SEPTIN10: variants seen among roughly 807,000 people sequenced by gnomAD.
SEPTIN10 encodes the protein septin 10, also known as septin-10.
In SEPTIN10, 66 loss-of-function variants were observed where a neutral mutation model predicts 54.8. That is an observed-to-expected ratio of 1.21 (90% CI 0.99 to 1.48). The LOEUF (loss-of-function observed/expected upper bound fraction) is 1.48, where lower values mean the gene tolerates loss of function less well. Ranked by LOEUF, SEPTIN10 falls within the 40% of genes most tolerant of loss-of-function variation. The pLI, the probability that SEPTIN10 is intolerant of heterozygous loss-of-function variation, is 0.00. For synonymous variants in SEPTIN10, 161 were observed against 181.0 expected (o/e 0.89, Z 0.89); for missense variants, 620 against 545.6 (o/e 1.14, Z -1.36).
chr2:109,552,899 G>A (rs1573410894), intron 9 of SEPTIN10, 188 bp downstream of exon 9: 2 of 632,854 alleles, frequency 3.2e-6, no homozygotes, highest in Non-Finnish European at 5.1e-6. Flanking sequence ...AAAAAAGAAG[G>A]CCAAAGTTTT....
intron 4 of SEPTIN10, among the ~76,000 whole-genome samples, chr2:109,580,502 T>C (rs1341924511): frequency 6.6e-6 from 1 of 151,912 alleles, no homozygotes; most frequent in Non-Finnish European, 1.5e-5. Context: ...GCAAGCATGG[T>C]ACATGGTAAA....
At chr2:109,559,268 A>G (rs543978000) in intron 8 of SEPTIN10, among the ~76,000 whole-genome samples, 4 of 152,350 alleles carry the variant, frequency 2.6e-5, no homozygotes, top group Admixed American at 6.5e-5. Context: ...TTATCAAATC[A>G]TTTAATCACA....
chr2:109,565,827 C>CAT lies in SEPTIN10; in HGVS notation c.793_794dup (p.Met265IlefsTer5). 6.2e-7 allele frequency: 1 copy of CAT among 1,614,116 alleles called. No individual in the cohort carries two copies. The highest frequency in any genetic ancestry group is 1.3e-5 in the African/African-American group (1 of 75,044). ...TCTTGTTTCCGACTTTTACCTCATC[C>CAT]ATACTTCCCACAACAGCAAACGGCA... On this transcript the variant is annotated frameshift_variant, in exon 7 of 11. Coordinates refer to ENST00000397712, the MANE Select transcript of SEPTIN10 (RefSeq NM_144710.5). LOFTEE classifies it high-confidence loss of function.
At chr2:109,607,452 T>G (rs1262270415) in intron 1 of SEPTIN10, among the ~76,000 whole-genome samples, 1 of 152,074 alleles carries the variant, frequency 6.6e-6, no homozygotes, top group Non-Finnish European at 1.5e-5. Flanking sequence ...TCTCTCCCCC[T>G]AAAGAGAGCA....
At chr2:109,589,045 C>T (rs1164715850) in intron 2 of SEPTIN10, among the ~76,000 whole-genome samples, 3 of 151,828 alleles carry the variant, frequency 2.0e-5, no homozygotes, top group Non-Finnish European at 2.9e-5. Context: ...ATTCTTCCAC[C>T]TCAGCCTCTG....
At chr2:109,556,879 A>T (rs1231936516) in intron 8 of SEPTIN10, among the ~76,000 whole-genome samples, 1 of 152,192 alleles carries the variant, frequency 6.6e-6, no homozygotes, top group African/African-American at 2.4e-5. Flanking sequence ...AGGGACATGG[A>T]TGAAGCTGGA....
chr2:109,550,606 G>A (rs1014071736), intron 9 of SEPTIN10, among the ~76,000 whole-genome samples: 1 of 152,056 alleles, frequency 6.6e-6, no homozygotes, highest in African/African-American at 2.4e-5. Flanking sequence ...GAGCCACCAC[G>A]CCCGGCCCCA....
intron 1 of SEPTIN10, among the ~76,000 whole-genome samples, chr2:109,608,385 T>C (rs992943062): frequency 4.6e-5 from 7 of 152,218 alleles, no homozygotes; most frequent in Non-Finnish European, 1.0e-4. Flanking sequence ...AATAGGACTT[T>C]CTTGCTATCC....
intron 1 of SEPTIN10, among the ~76,000 whole-genome samples, chr2:109,608,704 G>A (rs1282965167): frequency 2.6e-5 from 4 of 151,822 alleles, no homozygotes; most frequent in South Asian, 2.1e-4. Context: ...TTTTACTTTC[G>A]TCATTATGAC....
At chr2:109,553,280 C>G in intron 8 of SEPTIN10, 61 bp from the exon 9 acceptor site, 1 of 1,575,222 alleles carries the variant, frequency 6.3e-7, no homozygotes, top group South Asian at 1.1e-5. Flanking sequence ...TATGGCGGCT[C>G]ACGCCTGTAA....
At chr2:109,600,295 T>G (rs1696330887) in intron 1 of SEPTIN10, among the ~76,000 whole-genome samples, 1 of 152,054 alleles carries the variant, frequency 6.6e-6, no homozygotes, top group Non-Finnish European at 1.5e-5. Flanking sequence ...CTCTTCAACT[T>G]TCACAGGCAA....
Position 109,565,818 on chromosome 2 carries a change from T to C in SEPTIN10, c.804A>G (p.Val268=). Reference sequence around the variant, plus strand: ...CTTTGACCATCTTGTTTCCGACTTTTACCTCATCCATACTTCCCACAACAG... The same window carrying C: ...CTTTGACCATCTTGTTTCCGACTTTCACCTCATCCATACTTCCCACAACAG... ...PFAVVGSMDE[V]KVGNKMVKAR... The change falls in exon 7 of 11, where the codon GTA becomes GTG. Residue 268 remains valine (V), a synonymous_variant. Transcript: ENST00000397712. 6.2e-7 allele frequency: 1 copy of C among 1,614,158 alleles called. No homozygotes were observed. The highest frequency in any genetic ancestry group is 8.5e-7 in the Non-Finnish European group (1 of 1,180,020).
Position 109,571,462 on chromosome 2 carries a change from C to G in SEPTIN10, c.600+3119G>C, listed in dbSNP as rs796085913. ...TAAGCCTGTACAGCATGTAACTATA[C>G]TGGATACTGTAGACAACCATAATAC... On this transcript the variant is annotated intron_variant, in intron 5 of 10. Coordinates refer to ENST00000397712, the MANE Select transcript of SEPTIN10 (RefSeq NM_144710.5). 3.9e-5 allele frequency among the ~76,000 whole-genome samples: 6 copies of G among 152,256 alleles called. 1 individual carries two copies. The highest frequency in any genetic ancestry group is 1.4e-4 in the African/African-American group (6 of 41,546).
At chr2:109,584,474 CAAAAAAAAAAAAA>C (rs71958517) in intron 4 of SEPTIN10, among the ~76,000 whole-genome samples, 1 of 72,044 alleles carries the variant, frequency 1.4e-5, no homozygotes, top group African/African-American at 5.6e-5. Context: ...GACTCTGTCT[CAAAAAAAAAAAAA>C]AAAAAAAAAA....
At chr2:109,572,472 T>C (rs1248726049) in intron 5 of SEPTIN10, among the ~76,000 whole-genome samples, 1 of 151,900 alleles carries the variant, frequency 6.6e-6, no homozygotes. Flanking sequence ...AATCCAAGTT[T>C]GTCCAGGGCC....
At chr2:109,578,324 G>A (rs186971478) in intron 4 of SEPTIN10, among the ~76,000 whole-genome samples, 317 of 152,274 alleles carry the variant, frequency 2.1e-3, no homozygotes, top group African/African-American at 6.7e-3. Context: ...AAGGTTGAAA[G>A]TAAAGGGACT....
chr2:109,564,200 G>C, intron 8 of SEPTIN10, 166 bp downstream of exon 8: 1 of 538,744 alleles, frequency 1.9e-6, no homozygotes, highest in South Asian at 9.2e-5. Context: ...AAAGCAAGAA[G>C]GAGTCAAGTG....
At chr2:109,574,443 T>TAAA (rs55980206) in intron 5 of SEPTIN10, 138 bp downstream of exon 5, 11,717 of 268,876 alleles carry the variant, frequency 0.044, 323 homozygotes, top group Admixed American at 0.15. Flanking sequence ...ACTTTATCTC[T>TAAA]AAAAAAAAAA....
chr2:109,557,478 A>G (rs1684640968), intron 8 of SEPTIN10, among the ~76,000 whole-genome samples: 1 of 152,228 alleles, frequency 6.6e-6, no homozygotes, highest in South Asian at 2.1e-4. Context: ...AAAAGTAAAA[A>G]GCTGGGATTT....
Sources: allele counts gnomAD v4.1 joint callset (sites outside exome capture counted in the v4.1 genomes callset), GRCh38; gene constraint gnomAD v4.1.1; transcripts MANE v1.5; gene names NCBI Gene and HGNC (gene_info 2026-07-23, HGNC 2026-07-21).